PRR5: variants seen among roughly 807,000 people sequenced by gnomAD.
PRR5 encodes proline rich 5.
Under a neutral mutation model 30.6 loss-of-function variants are expected in PRR5, and 25 were observed. The observed-to-expected ratio is 0.82, with a 90% CI of 0.60 to 1.14. The LOEUF is 1.14. PRR5 is among the 50% of genes most tolerant of loss of function. PRR5 has a pLI of 0.00. For missense variants in PRR5, 600 were observed against 547.1 expected (o/e 1.10, Z -0.96); for synonymous variants, 286 against 247.1 (o/e 1.16, Z -1.48).
upstream of PRR5, among the ~76,000 whole-genome samples, chr22:44,676,349 C>T (rs536982966): frequency 7.4e-5 from 10 of 135,996 alleles, 1 homozygote; most frequent in Admixed American, 5.8e-4. Context: ...TGTGATTGCG[C>T]CACTGCTTTT....
intron 1 of PRR5, among the ~76,000 whole-genome samples, chr22:44,690,496 C>T (rs1174948357): frequency 2.0e-5 from 3 of 152,074 alleles, no homozygotes; most frequent in East Asian, 3.9e-4. Flanking sequence ...CTCACTGTCA[C>T]GGCCAAGGCT....
At chr22:44,720,364 C>A (rs17529901) in intron 2 of PRR5, among the ~76,000 whole-genome samples, 35,506 of 152,210 alleles carry the variant, frequency 0.23, 4,735 homozygotes, top group South Asian at 0.4. Context: ...GGGCTCCAAC[C>A]TTGGGTTCCC....
At position 44,690,223 on chromosome 22, in the gene PRR5, G is replaced by A. The variant is rs116562718; in HGVS notation, c.-10-12269G>A. ...CAGAGCCCCCAGGAGAGGAAGCACC[G>A]GATCAGGGATCCCCAGCTCTGTGTG... On this transcript the variant is annotated intron_variant, in intron 1 of 8. Coordinates refer to the PRR5 transcript ENST00000006251. 5.6e-3 allele frequency among the ~76,000 whole-genome samples: 855 copies of A among 152,266 alleles called. 9 individuals carry two copies. Among genetic ancestry groups the A allele is most frequent in the African/African-American group, 0.019 (795 of 41,552 alleles).
chr22:44,687,838 G>T (rs1290382517), intron 1 of PRR5, among the ~76,000 whole-genome samples: 1 of 152,022 alleles, frequency 6.6e-6, no homozygotes, highest in Non-Finnish European at 1.5e-5. Context: ...GCATTGGCGC[G>T]ATCTCGGCTC....
At position 44,702,319 on chromosome 22, in the gene PRR5, G is replaced by A; in HGVS notation, c.-156G>A. ...GGCGCGGGACCCGAGACGGAGGCGC[G>A]GGGCCGGGGCGGGACCCCGCAGGAC... On this transcript the variant is annotated 5_prime_UTR_variant, in exon 1 of 8. Transcript: ENST00000336985. The A allele has an allele frequency of 8.7e-7, 1 of 1,149,092 alleles. No individual in the cohort carries two copies. The highest frequency in any genetic ancestry group is 1.1e-6 in the Non-Finnish European group (1 of 928,338). 71.2% of individuals were successfully genotyped at this position (1,149,092 alleles called of 1,614,324 possible).
chr22:44,732,269 C>A lies in PRR5; in HGVS notation c.433C>A (p.Arg145Ser). ...TCCACAGGGCAAGGAGCCATCGGTG[C>A]GCCAGCTGGCCCTGCTGCACTTCCG... ...YPVQGKEPSV[R>S]QLALLHFRNA... Residue 145 changes from arginine (R) to serine (S), a missense_variant, in exon 6 of 8, where the codon CGC becomes AGC. Arg to Ser is a moderately radical substitution (Grantham distance 110, BLOSUM62 -1). Coordinates refer to ENST00000336985, the MANE Select transcript of PRR5 (RefSeq NM_181333.4). 1 of 1,611,762 alleles carries A rather than the reference C, an allele frequency of 6.2e-7. No homozygotes were observed. The highest frequency in any genetic ancestry group is 8.5e-7 in the Non-Finnish European group (1 of 1,179,908).
At chr22:44,682,725 A>G (rs1490563957) in intron 1 of PRR5, among the ~76,000 whole-genome samples, 1 of 152,162 alleles carries the variant, frequency 6.6e-6, no homozygotes, top group African/African-American at 2.4e-5. Context: ...CAATCATGGT[A>G]CCTGGCGTGT....
chr22:44,707,215 T>C (rs959937401), intron 1 of PRR5, among the ~76,000 whole-genome samples: 7 of 152,192 alleles, frequency 4.6e-5, no homozygotes, highest in African/African-American at 1.7e-4. Flanking sequence ...CTTCCAGCTA[T>C]GAAGGCCGTG....
intron 1 of PRR5, among the ~76,000 whole-genome samples, chr22:44,710,013 A>AC (rs897848082): frequency 2.0e-5 from 3 of 151,664 alleles, no homozygotes; most frequent in South Asian, 4.2e-4. Context: ...CACCACCCTG[A>AC]CCCCCTACCC....
chr22:44,714,566 A>G, intron 1 of PRR5, 25 bp from the exon 2 acceptor site: 2 of 1,611,482 alleles, frequency 1.2e-6, no homozygotes. Flanking sequence ...TCAGGACTGC[A>G]GTGTTTTCTT....
At chr22:44,689,536 T>C (rs776351366) in intron 1 of PRR5, among the ~76,000 whole-genome samples, 5 of 152,238 alleles carry the variant, frequency 3.3e-5, no homozygotes, top group Non-Finnish European at 5.9e-5. Context: ...GTTCAAGGAC[T>C]GAGCTCCGTG....
At chr22:44,675,268 A>G (rs139319188), upstream of PRR5, among the ~76,000 whole-genome samples, 12 of 151,942 alleles carry the variant, frequency 7.9e-5, no homozygotes, top group African/African-American at 2.7e-4. Context: ...AAGAAAAAAA[A>G]GAAAGAAAGA....
At chr22:44,728,182 T>C (rs1376730876) in intron 4 of PRR5, among the ~76,000 whole-genome samples, 1 of 152,232 alleles carries the variant, frequency 6.6e-6, no homozygotes, top group African/African-American at 2.4e-5. Context: ...CAGCATCCTC[T>C]TCTGCCTCGC....
intron 1 of PRR5, among the ~76,000 whole-genome samples, chr22:44,684,348 G>A (rs1924557092): frequency 6.6e-6 from 1 of 152,184 alleles, no homozygotes; most frequent in Admixed American, 6.5e-5. Flanking sequence ...TTCAAGACCA[G>A]CCTGGCCAAC....
intron 1 of PRR5, among the ~76,000 whole-genome samples, chr22:44,682,639 A>G (rs975770404): frequency 2.0e-5 from 3 of 152,208 alleles, no homozygotes; most frequent in Non-Finnish European, 2.9e-5. Context: ...GGCCTGGCCC[A>G]TAGGAGGTTC....
chr22:44,720,965 A>T (rs1368656318), intron 2 of PRR5, among the ~76,000 whole-genome samples: 2 of 152,140 alleles, frequency 1.3e-5, no homozygotes, highest in Non-Finnish European at 2.9e-5. Context: ...CCAAGGGGCC[A>T]TTTGGTCCTG....
chr22:44,689,279 G>A (rs1013978669), intron 1 of PRR5, among the ~76,000 whole-genome samples: 11 of 152,106 alleles, frequency 7.2e-5, no homozygotes, highest in South Asian at 2.1e-4. Flanking sequence ...CTCACGGGTC[G>A]TCTTTGGAGT....
intron 1 of PRR5, among the ~76,000 whole-genome samples, chr22:44,695,923 CTTTT>C (rs79228617): frequency 2.7e-5 from 2 of 73,340 alleles, no homozygotes; most frequent in Admixed American, 2.1e-4. Flanking sequence ...ATTCTGACAA[CTTTT>C]TTTTTTTTTT....
At position 44,737,156 on chromosome 22, in the gene PRR5, A is replaced by G; in HGVS notation, c.1076A>G (p.Asp359Gly). 1 of 1,612,704 alleles carries G rather than the reference A, an allele frequency of 6.2e-7. No individual in the cohort carries two copies. Among genetic ancestry groups the G allele is most frequent in the Non-Finnish European group, 8.5e-7 (1 of 1,179,990 alleles). The part of the protein sequence containing the change: ...VDQILESVDS[D>G]SEGIFIDFGR... The stretch of plus-strand genomic sequence containing the variant: ...CAGATCCTGGAGTCCGTGGACTCGG[A>G]TTCTGAAGGGATTTTCATTGACTTT... The change falls in exon 8 of 8, where the codon GAT (aspartate) becomes GGT (glycine). Residue 359 changes from aspartate (D) to glycine (G), a missense_variant. Physicochemically the swap from Asp to Gly is moderately conservative, Grantham distance 94. Transcript: ENST00000336985.
Sources: gnomAD v4.1 joint callset for allele counts (sites outside exome capture counted in the v4.1 genomes callset) on GRCh38, gnomAD v4.1.1 for gene constraint, MANE v1.5 for transcripts, NCBI Gene and HGNC (gene_info 2026-07-23, HGNC 2026-07-21) for gene names.